DENND5A: variants seen among roughly 807,000 people sequenced by gnomAD.
DENND5A encodes DENN domain-containing protein 5A.
Under a neutral mutation model 140.3 loss-of-function variants are expected in DENND5A, and 64 were observed. That is an observed-to-expected ratio of 0.46 (90% confidence interval 0.37 to 0.56). The LOEUF is 0.56. Ranked by LOEUF, DENND5A falls within the 20% of genes least tolerant of loss-of-function variation. DENND5A has a pLI of 0.00. For synonymous variants in DENND5A, 605 were observed against 607.7 expected, an observed-to-expected ratio of 1.00 and a Z score of 0.07; for missense variants, 1,292 against 1,593.8, an observed-to-expected ratio of 0.81 and a Z score of 3.22.
At position 9,178,357 on chromosome 11, in the gene DENND5A, G is replaced by A. The variant is rs142050610; in HGVS notation, c.1681C>T (p.Leu561=). 3.1e-6 allele frequency: 5 copies of A among 1,610,348 alleles called. No individual in the cohort carries two copies. The highest frequency in any genetic ancestry group is 1.7e-4 in the Middle Eastern group (1 of 5,938). The change falls in exon 8 of 23, where the codon CTG becomes TTG. Residue 561 remains leucine, a synonymous_variant. Coordinates refer to ENST00000328194, the MANE Select transcript of DENND5A (RefSeq NM_015213.4). ...QMQNFDKASF[L]SDQPEPYLPF... is the part of the protein sequence containing the mutation. ...AGGTAGGGCTCAGGCTGATCTGACA[G>A]AAAAGATGCCTGGTGGGACCAAAAA...
chr11:9,264,982 G>A lies in DENND5A; in HGVS notation c.88C>T (p.Leu30=). Residue 30 remains leucine, a synonymous_variant, in exon 1 of 23, where the codon CTG becomes TTG. Transcript: ENST00000328194. ...TCACCCGACAGCTCGTCCGGCTCCA[G>A]CCCGGTCTCCGTGTCCAGTCCGCAG... The part of the protein sequence containing the change: ...VICGLDTETG[L]EPDELSALCQ... 2.5e-6 allele frequency: 4 copies of A among 1,587,472 alleles called. No individual in the cohort carries two copies. The highest frequency in any genetic ancestry group is 2.6e-6 in the Non-Finnish European group (3 of 1,168,916).
chr11:9,232,227 C>T (rs923345672), intron 1 of DENND5A, among the ~76,000 whole-genome samples: 7 of 151,834 alleles, frequency 4.6e-5, no homozygotes, highest in African/African-American at 1.5e-4. Flanking sequence ...GAGAGAAAAA[C>T]GTATAAATTG....
chr11:9,139,396 G>C lies in DENND5A; in HGVS notation c.*275C>G, dbSNP rs1168793972. On this transcript the variant is annotated 3_prime_UTR_variant, in exon 23 of 23. Coordinates refer to ENST00000328194, the MANE Select transcript of DENND5A (RefSeq NM_015213.4). ...CAGGGAGGCCTCAGGCTTCCAGCAT[G>C]TGGCCACGGCGAGGGAGGGCACCAG... 2 of 423,208 alleles carry C rather than the reference G, an allele frequency of 4.7e-6. No homozygotes were observed. The highest frequency in any genetic ancestry group is 4.5e-5 in the East Asian group (1 of 22,452). The allele number at this position is 423,208 out of a possible 1,614,324, so 26.2% of individuals were successfully genotyped here. A position where few individuals can be genotyped will look rare whatever the true frequency, so the allele number is the denominator to read the frequency against.
intron 1 of DENND5A, among the ~76,000 whole-genome samples, chr11:9,233,398 C>CA (rs1001576602): frequency 0.096 from 5,118 of 53,240 alleles, 309 homozygotes; most frequent in African/African-American, 0.23. Flanking sequence ...GACTCTGTCT[C>CA]AAAAAAAAAA....
At chr11:9,140,758 T>G (rs142837655) in intron 22 of DENND5A, among the ~76,000 whole-genome samples, 1 of 152,318 alleles carries the variant, frequency 6.6e-6, no homozygotes, top group Non-Finnish European at 1.5e-5. Context: ...TTTCAGCATA[T>G]TGTATGAATG....
rs115178936 is a variant in DENND5A, at chr11:9,255,429, A to G, written c.109+9532T>C. 3.8e-3 allele frequency among the ~76,000 whole-genome samples: 572 copies of G among 152,258 alleles called. 6 individuals carry two copies. Among genetic ancestry groups the G allele is most frequent in the African/African-American group, 0.013 (552 of 41,546 alleles). ...GATGGTGAGACCTCGTCTCTACAAA[A>G]AAATTAAAAATTAGTCGGGCAGCCA... On this transcript the variant is annotated intron_variant, in intron 1 of 22. Coordinates refer to ENST00000328194, the MANE Select transcript of DENND5A (RefSeq NM_015213.4).
intron 11 of DENND5A, among the ~76,000 whole-genome samples, chr11:9,163,972 A>C (rs1048162531): frequency 2.0e-5 from 3 of 150,682 alleles, no homozygotes; most frequent in African/African-American, 7.3e-5. Flanking sequence ...GTTTTACACA[A>C]ACACACACAC....
intron 1 of DENND5A, among the ~76,000 whole-genome samples, chr11:9,247,248 C>A (rs1396834081): frequency 7.1e-6 from 1 of 140,960 alleles, no homozygotes; most frequent in East Asian, 2.0e-4. Flanking sequence ...AAAAAAAAAA[C>A]CCTTGCCTGC....
At chr11:9,198,604 C>T (rs1050036119) in intron 4 of DENND5A, among the ~76,000 whole-genome samples, 1 of 148,936 alleles carries the variant, frequency 6.7e-6, no homozygotes, top group Admixed American at 6.7e-5. Flanking sequence ...AGCAAGACTC[C>T]ACCTCAAAAA....
In DENND5A at chr11:9,215,773, C is replaced by A. The variant is rs2136228162; in HGVS notation, c.110-8141G>T. On this transcript the variant is annotated intron_variant, in intron 1 of 22. Coordinates refer to ENST00000328194, the MANE Select transcript of DENND5A (RefSeq NM_015213.4). ...CCGTGTTGGCCAGGCTGATCTCAAA[C>A]CCCTGACCTCAGAAGATCCGCCCGC... 2.0e-5 allele frequency among the ~76,000 whole-genome samples: 3 copies of A among 152,188 alleles called. No homozygotes were observed. In the Middle Eastern group the frequency reaches 0.01, roughly 518 times the overall value.
Position 9,145,679 on chromosome 11 carries a change from C to G in DENND5A, c.2994G>C (p.Met998Ile). 1.2e-6 allele frequency: 2 copies of G among 1,614,188 alleles called. No individual in the cohort carries two copies. Among genetic ancestry groups the G allele is most frequent in the Non-Finnish European group, 1.7e-6 (2 of 1,180,016 alleles). The change falls in exon 17 of 23, where the codon ATG becomes ATC. Residue 998 changes from methionine (M) to isoleucine (I), a missense_variant. Around this residue, in one of 4 missense-constraint regions of DENND5A, gnomAD observed 498 missense variants for 689.7 expected, o/e 0.72. Coordinates refer to ENST00000328194, the MANE Select transcript of DENND5A (RefSeq NM_015213.4). ...IMQIPRNVLE[M>I]TFECQNLGKL... Reference sequence around the variant, plus strand: ...CCCAAATAACACATACCTCGAAGGTCATCTCTAGCACATTCCTGGGAATCT... The same window carrying G: ...CCCAAATAACACATACCTCGAAGGTGATCTCTAGCACATTCCTGGGAATCT...
chr11:9,221,886 T>C (rs547237962), intron 1 of DENND5A, among the ~76,000 whole-genome samples: 1 of 152,160 alleles, frequency 6.6e-6, no homozygotes, highest in East Asian at 1.9e-4. Flanking sequence ...GCCTCCCAAA[T>C]AGCTGGAACT....
At chr11:9,217,725 C>G (rs1850150466) in intron 1 of DENND5A, among the ~76,000 whole-genome samples, 1 of 152,214 alleles carries the variant, frequency 6.6e-6, no homozygotes, top group East Asian at 1.9e-4. Flanking sequence ...ATACTGTAAG[C>G]AGGTAAACTA....
rs1397676421 is a variant in DENND5A, at chr11:9,170,472, G to C, written c.2057+155C>G. Among the ~76,000 whole-genome samples the C allele has an allele frequency of 3.3e-5, 5 of 152,150 alleles. No individual in the cohort carries two copies. In the East Asian group the frequency reaches 9.7e-4, roughly 29 times the overall value. On this transcript the variant is annotated intron_variant, in intron 9 of 22. Coordinates refer to ENST00000328194, the MANE Select transcript of DENND5A (RefSeq NM_015213.4). ...AAGATATTCTGTCACATACTTTCTT[G>C]TTCAAATAAGCAAACCACCTAGATA...
intron 1 of DENND5A, among the ~76,000 whole-genome samples, chr11:9,248,552 G>A (rs374621304): frequency 9.2e-5 from 14 of 152,066 alleles, no homozygotes; most frequent in African/African-American, 3.4e-4. Context: ...CTACTCCAGA[G>A]GCTGAGTAGG....
chr11:9,164,063 T>TTTTG (rs1848091649), intron 11 of DENND5A, among the ~76,000 whole-genome samples: 1 of 78,810 alleles, frequency 1.3e-5, no homozygotes, highest in African/African-American at 5.6e-5. Context: ...CAGGTTTTTT[T>TTTTG]TTTTTTTTTT....
chr11:9,249,897 G>A (rs1851647096), intron 1 of DENND5A, among the ~76,000 whole-genome samples: 1 of 151,630 alleles, frequency 6.6e-6, no homozygotes, highest in African/African-American at 2.4e-5. Context: ...ACGTTGCCCG[G>A]GCTAGCCTCA....
At chr11:9,247,276 A>T (rs1021313391) in intron 1 of DENND5A, among the ~76,000 whole-genome samples, 2 of 151,168 alleles carry the variant, frequency 1.3e-5, no homozygotes, top group Non-Finnish European at 2.9e-5. Context: ...TGGGGAGGCC[A>T]GGATTTGAAC....
chr11:9,162,209 T>C (rs1480640058), intron 11 of DENND5A, among the ~76,000 whole-genome samples: 2 of 150,124 alleles, frequency 1.3e-5, no homozygotes, highest in African/African-American at 4.9e-5. Flanking sequence ...TACATCATTA[T>C]GACCAGCGCC....
Sources: gnomAD v4.1 joint callset for allele counts (sites outside exome capture counted in the v4.1 genomes callset) on GRCh38, gnomAD v4.1.1 for gene constraint, gnomAD v4.1.1 regional missense constraint, MANE v1.5 for transcripts, NCBI Gene and HGNC (gene_info 2026-07-23, HGNC 2026-07-21) for gene names.